The following CNTN5 variants were observed in gnomAD, a reference collection of about 807,000 sequenced individuals.
CNTN5 encodes contactin-5.
In CNTN5, 77 loss-of-function variants were observed where a neutral mutation model predicts 129.1. The ratio of observed to expected loss-of-function variants is 0.60; its 90% confidence interval spans 0.50 to 0.72. The LOEUF (loss-of-function observed/expected upper bound fraction) is 0.72, where lower values mean the gene tolerates loss of function less well. CNTN5 is among the 30% of genes least tolerant of loss of function. CNTN5 has a pLI of 0.00. For missense variants in CNTN5, 1,478 were observed against 1,328.8 expected (o/e 1.11, Z -1.75); for synonymous variants, 509 against 465.6 (o/e 1.09, Z -1.20).
At chr11:100,087,483 G>T (rs1032943041) in intron 13 of CNTN5, among the ~76,000 whole-genome samples, 2 of 151,684 alleles carry the variant, frequency 1.3e-5, no homozygotes, top group Non-Finnish European at 3.0e-5. Flanking sequence ...AACAAAATTT[G>T]CCAAAGACAA....
chr11:100,099,052 A>G (rs1480357512), intron 13 of CNTN5, among the ~76,000 whole-genome samples: 1 of 152,092 alleles, frequency 6.6e-6, no homozygotes, highest in African/African-American at 2.4e-5. Flanking sequence ...TAACTTTGGA[A>G]AAGAGCCTAG....
intron 8 of CNTN5, among the ~76,000 whole-genome samples, chr11:99,988,486 CA>C (rs1938837920): frequency 6.6e-6 from 1 of 152,214 alleles, no homozygotes; most frequent in South Asian, 2.1e-4. Context: ...TAAAACTTTA[CA>C]AATAAAAAGT....
intron 2 of CNTN5, among the ~76,000 whole-genome samples, chr11:99,506,337 T>C (rs1946617826): frequency 6.6e-6 from 1 of 152,258 alleles, no homozygotes; most frequent in African/African-American, 2.4e-5. Context: ...GAGACAGTTA[T>C]TCTTCCATCA....
intron 2 of CNTN5, among the ~76,000 whole-genome samples, chr11:99,538,748 C>T (rs186440248): frequency 4.6e-5 from 7 of 152,172 alleles, no homozygotes; most frequent in Non-Finnish European, 2.9e-5. Flanking sequence ...ATTTTGCAAC[C>T]ACAATTTAAA....
At chr11:100,254,301 C>T (rs1950025632) in intron 16 of CNTN5, among the ~76,000 whole-genome samples, 2 of 152,278 alleles carry the variant, frequency 1.3e-5, no homozygotes, top group Admixed American at 1.3e-4. Flanking sequence ...TAATTTCCCG[C>T]AATCACCCTA....
intron 13 of CNTN5, among the ~76,000 whole-genome samples, chr11:100,131,891 G>T (rs138632292): frequency 1.2e-3 from 187 of 152,158 alleles, no homozygotes; most frequent in African/African-American, 3.9e-3. Flanking sequence ...CATGTACAGA[G>T]TATTCTAGGG....
chr11:100,081,446 T>A (rs1324524935), intron 13 of CNTN5, among the ~76,000 whole-genome samples: 2 of 152,132 alleles, frequency 1.3e-5, no homozygotes, highest in East Asian at 3.9e-4. Flanking sequence ...TCTACTAAAT[T>A]CAGAAATTGC....
chr11:99,597,498 A>G (rs558512499), intron 3 of CNTN5, among the ~76,000 whole-genome samples: 1 of 116,710 alleles, frequency 8.6e-6, no homozygotes, highest in African/African-American at 3.1e-5. Flanking sequence ...TGGAAACTCT[A>G]TTTATGTTTA....
At chr11:100,099,741 A>T (rs554415339) in intron 13 of CNTN5, among the ~76,000 whole-genome samples, 1 of 151,996 alleles carries the variant, frequency 6.6e-6, no homozygotes, top group Admixed American at 6.6e-5. Context: ...CCAGTTGAAG[A>T]ATTCATCATT....
intron 8 of CNTN5, among the ~76,000 whole-genome samples, chr11:99,978,982 C>T (rs1938172217): frequency 1.3e-5 from 2 of 152,176 alleles, no homozygotes; most frequent in South Asian, 2.1e-4. Context: ...CCCAGTTCTG[C>T]CCCGCTTTAA....
intron 3 of CNTN5, among the ~76,000 whole-genome samples, chr11:99,583,705 T>G (rs1461290934): frequency 6.6e-6 from 1 of 152,138 alleles, no homozygotes. Context: ...GTGACCTGAT[T>G]TTCCAGGTGC....
intron 3 of CNTN5, among the ~76,000 whole-genome samples, chr11:99,752,264 T>C (rs1374897883): frequency 6.6e-6 from 1 of 152,206 alleles, no homozygotes; most frequent in Non-Finnish European, 1.5e-5. Context: ...AAGAGGCGAA[T>C]TCATTTAAAA....
chr11:99,324,337 T>C (rs1865693468), intron 1 of CNTN5, among the ~76,000 whole-genome samples: 1 of 152,188 alleles, frequency 6.6e-6, no homozygotes, highest in Non-Finnish European at 1.5e-5. Context: ...CTTATATTCC[T>C]TACCTTGATT....
intron 4 of CNTN5, among the ~76,000 whole-genome samples, chr11:99,827,778 T>C (rs1222309034): frequency 6.6e-6 from 1 of 151,068 alleles, no homozygotes; most frequent in Non-Finnish European, 1.5e-5. Flanking sequence ...TACCTCTCTA[T>C]AGTATAATGT....
At chr11:100,221,695 T>C (rs967309397) in intron 15 of CNTN5, among the ~76,000 whole-genome samples, 1 of 152,148 alleles carries the variant, frequency 6.6e-6, no homozygotes, top group African/African-American at 2.4e-5. Flanking sequence ...GCTCCCACTA[T>C]GTGGCAGGTA....
At chr11:99,552,468 A>C (rs887004957) in intron 2 of CNTN5, among the ~76,000 whole-genome samples, 1 of 152,186 alleles carries the variant, frequency 6.6e-6, no homozygotes, top group Non-Finnish European at 1.5e-5. Context: ...AAGAATAAAA[A>C]TAAGGCAGGG....
At chr11:99,440,277 CTTA>C (rs564341465) in intron 2 of CNTN5, among the ~76,000 whole-genome samples, 7 of 152,100 alleles carry the variant, frequency 4.6e-5, no homozygotes, top group African/African-American at 1.7e-4. Context: ...TTGAAATTTT[CTTA>C]TTAAGTTAAT....
chr11:99,354,738 C>A (rs923861398), intron 2 of CNTN5, among the ~76,000 whole-genome samples: 1 of 152,154 alleles, frequency 6.6e-6, no homozygotes, highest in Non-Finnish European at 1.5e-5. Flanking sequence ...CTACTTCCAC[C>A]ATTGCCTCCC....
At chr11:99,556,468 G>A (rs1948668295) in intron 3 of CNTN5, among the ~76,000 whole-genome samples, 199 bp downstream of exon 3, 2 of 145,504 alleles carry the variant, frequency 1.4e-5, no homozygotes, top group Non-Finnish European at 3.0e-5. Context: ...ATATAATAAG[G>A]TACACTATAA....
Sources: allele counts gnomAD v4.1 joint callset (sites outside exome capture counted in the v4.1 genomes callset), GRCh38; gene constraint gnomAD v4.1.1; transcripts MANE v1.5; gene names NCBI Gene and HGNC (gene_info 2026-07-23, HGNC 2026-07-21).